Variants in CHLSN observed in about 807,000 individuals in gnomAD.
CHLSN encodes cholesin, also known as protein cholesin.
At chr7:979,704 G>T in the CHLSN span, among the ~76,000 whole-genome samples, 2 of 151,582 alleles carry the variant, frequency 1.3e-5, no homozygotes, top group African/African-American at 4.9e-5. Context: ...GTGAACTCCA[G>T]CCTGGGCAAC....
the CHLSN span, among the ~76,000 whole-genome samples, chr7:981,904 A>C: frequency 6.6e-6 from 1 of 151,448 alleles, no homozygotes; most frequent in Non-Finnish European, 1.5e-5. Context: ...TGGGTGGTGC[A>C]TGCCTGTAGT....
At chr7:1,109,703 C>T in the CHLSN span, among the ~76,000 whole-genome samples, 1 of 150,838 alleles carries the variant, frequency 6.6e-6, no homozygotes, top group African/African-American at 2.4e-5. Context: ...CAGGGCCCTT[C>T]CCCTCCCCCG....
the CHLSN span, among the ~76,000 whole-genome samples, chr7:1,038,933 C>T: frequency 4.6e-4 from 30 of 65,642 alleles, 3 homozygotes; most frequent in African/African-American, 1.7e-3. Context: ...AGGTGAGGGG[C>T]GCCTCTGCCC....
chr7:1,028,329 C>T, the CHLSN span: 2 of 1,027,180 alleles, frequency 1.9e-6, no homozygotes, highest in Non-Finnish European at 2.3e-6. Flanking sequence ...GTGCGCACCG[C>T]CCGGCCCGCG....
At chr7:1,086,033 C>T in the CHLSN span, among the ~76,000 whole-genome samples, 2 of 152,204 alleles carry the variant, frequency 1.3e-5, no homozygotes, top group African/African-American at 2.4e-5. Flanking sequence ...GAGAAGGCTG[C>T]GCTCCAAGAC....
At chr7:979,824 G>A in the CHLSN span, among the ~76,000 whole-genome samples, 1 of 152,068 alleles carries the variant, frequency 6.6e-6, no homozygotes, top group Non-Finnish European at 1.5e-5. Context: ...CAGGGGGCGC[G>A]CCCAGTCACT....
chr7:1,029,835 C>G, the CHLSN span, among the ~76,000 whole-genome samples: 1 of 152,186 alleles, frequency 6.6e-6, no homozygotes, highest in African/African-American at 2.4e-5. Flanking sequence ...CTAGCTGTTT[C>G]ACCATCTCCA....
At chr7:1,123,692 G>T in the CHLSN span, among the ~76,000 whole-genome samples, 104 of 151,926 alleles carry the variant, frequency 6.8e-4, 1 homozygote, top group South Asian at 7.3e-3. This position sits in a 1 kb window ranked among gnomAD's most constrained non-coding sequence, Gnocchi z 4.4. Flanking sequence ...CTGGGAGACT[G>T]GCTCCCAGAC....
At chr7:1,116,073 A>G in the CHLSN span, among the ~76,000 whole-genome samples, 1 of 130,128 alleles carries the variant, frequency 7.7e-6, no homozygotes, top group Non-Finnish European at 1.7e-5. Context: ...ACGCCCACGC[A>G]GGATGATGAC....
chr7:1,114,924 T>C, the CHLSN span, among the ~76,000 whole-genome samples: 4 of 152,210 alleles, frequency 2.6e-5, no homozygotes, highest in Non-Finnish European at 5.9e-5. Flanking sequence ...GTGGGAGCCA[T>C]GGTCACTCTG....
chr7:1,067,750 A>G, the CHLSN span, among the ~76,000 whole-genome samples: 1 of 139,192 alleles, frequency 7.2e-6, no homozygotes, highest in Non-Finnish European at 1.5e-5. Context: ...CACAGGCTGG[A>G]GTGCATCCCA....
At chr7:1,038,365 C>A in the CHLSN span, among the ~76,000 whole-genome samples, 1 of 97,766 alleles carries the variant, frequency 1.0e-5, no homozygotes, top group East Asian at 2.9e-4. Flanking sequence ...TGCCTCTGCC[C>A]GGCCGCCCCT....
At chr7:1,073,452 C>G in the CHLSN span, among the ~76,000 whole-genome samples, 2 of 152,128 alleles carry the variant, frequency 1.3e-5, no homozygotes, top group African/African-American at 2.4e-5. Flanking sequence ...CCTAATCCCG[C>G]TGGAATCTGC....
the CHLSN span, among the ~76,000 whole-genome samples, chr7:978,632 G>A: frequency 3.9e-5 from 6 of 152,212 alleles, no homozygotes; most frequent in Admixed American, 1.3e-4. Context: ...TGCCTGGCAC[G>A]CTGGACATGC....
At chr7:1,099,705 G>A in the CHLSN span, among the ~76,000 whole-genome samples, 1 of 152,242 alleles carries the variant, frequency 6.6e-6, no homozygotes, top group Non-Finnish European at 1.5e-5. Context: ...GAGCTTGGTT[G>A]CCAGGGCTGG....
chr7:1,133,891 C>G, the CHLSN span, among the ~76,000 whole-genome samples: 1 of 152,098 alleles, frequency 6.6e-6, no homozygotes, highest in Non-Finnish European at 1.5e-5. Context: ...ACTGCAGCCT[C>G]GACCACCCAG....
At chr7:1,128,295 T>G in the CHLSN span, among the ~76,000 whole-genome samples, 46 of 18,586 alleles carry the variant, frequency 2.5e-3, 2 homozygotes, top group Non-Finnish European at 3.4e-3. Flanking sequence ...TGGAGTGCAG[T>G]GGCACAATCT....
the CHLSN span, among the ~76,000 whole-genome samples, chr7:1,017,105 C>T: frequency 6.6e-6 from 1 of 152,226 alleles, no homozygotes; most frequent in African/African-American, 2.4e-5. Context: ...ACTCGGAAGC[C>T]TTGGTCTGAG....
the CHLSN span, among the ~76,000 whole-genome samples, chr7:1,042,743 G>A: frequency 7.9e-5 from 12 of 152,128 alleles, no homozygotes; most frequent in Admixed American, 6.5e-4. Context: ...GGCATTACAG[G>A]GACCAGACAG....
Sources: allele counts gnomAD v4.1 joint callset (sites outside exome capture counted in the v4.1 genomes callset), GRCh38; gene constraint gnomAD v4.1.1; non-coding constraint Gnocchi (gnomAD v3.1); transcripts MANE v1.5; gene names NCBI Gene and HGNC (gene_info 2026-07-23, HGNC 2026-07-21).